GLT8D2: variants seen among roughly 807,000 people sequenced by gnomAD.
GLT8D2 encodes the protein glycosyltransferase 8 domain-containing protein 2.
Under a neutral mutation model 44.5 loss-of-function variants are expected in GLT8D2, and 45 were observed. That is an observed-to-expected ratio of 1.01 (90% CI 0.80 to 1.30). The LOEUF (loss-of-function observed/expected upper bound fraction) is 1.30. Among genes scored for constraint, GLT8D2 ranks in the 50% most tolerant of loss-of-function variants. The pLI is 0.00. For missense variants in GLT8D2, 400 were observed against 430.4 expected (o/e 0.93, Z 0.62); for synonymous variants, 156 against 157.2 (o/e 0.99, Z 0.06).
rs183428068 is a variant in GLT8D2, at chr12:104,026,106, C to T, written c.-163-4615G>A. Among the ~76,000 whole-genome samples, 258 of 151,866 alleles carry T rather than the reference C, an allele frequency of 1.7e-3. 1 individual carries two copies. Among genetic ancestry groups the T allele is most frequent in the African/African-American group, 6.0e-3 (250 of 41,400 alleles). ...CCAGCCTGGACAATATGGTGAAACC[C>T]CATCTCTACTAAAAATTCAAAAATT... On this transcript the variant is annotated intron_variant, in intron 1 of 10. Coordinates refer to ENST00000360814, the MANE Select transcript of GLT8D2 (RefSeq NM_001384711.1).
intron 1 of GLT8D2, among the ~76,000 whole-genome samples, chr12:104,062,200 A>C (rs780684808): frequency 6.6e-6 from 1 of 151,468 alleles, no homozygotes; most frequent in Non-Finnish European, 1.5e-5. Context: ...CAGCCTCCCA[A>C]GTAGCTGGGA....
At chr12:104,061,370 C>G (rs1053968949) in intron 1 of GLT8D2, among the ~76,000 whole-genome samples, 2 of 152,048 alleles carry the variant, frequency 1.3e-5, no homozygotes, top group Admixed American at 1.3e-4. Context: ...AGGGTTGGAA[C>G]GTTTGATTTT....
chr12:104,034,997 C>A (rs1424169312), intron 1 of GLT8D2, among the ~76,000 whole-genome samples: 2 of 152,182 alleles, frequency 1.3e-5, no homozygotes, highest in African/African-American at 2.4e-5. Context: ...TGTTCTGCAG[C>A]CTCCGCTGGT....
intron 1 of GLT8D2, among the ~76,000 whole-genome samples, chr12:104,037,142 T>A (rs1372083181): frequency 6.6e-6 from 1 of 152,094 alleles, no homozygotes; most frequent in African/African-American, 2.4e-5. Context: ...CATACCAGAA[T>A]CTCTGGGACA....
At chr12:104,031,669 G>T (rs1485555066) in intron 1 of GLT8D2, 6 of 738,000 alleles carry the variant, frequency 8.1e-6, no homozygotes, top group Non-Finnish European at 1.1e-5. Context: ...CTGCAGATGG[G>T]GACCAGTGGC....
chr12:104,024,897 C>A (rs1308307923), intron 1 of GLT8D2, among the ~76,000 whole-genome samples: 1 of 151,660 alleles, frequency 6.6e-6, no homozygotes, highest in East Asian at 1.9e-4. Flanking sequence ...ATGGTGAAAC[C>A]CTTTCTCTAC....
chr12:104,032,466 CAAAAAAAA>C lies in GLT8D2; in HGVS notation c.-163-10983_-163-10976del, dbSNP rs547392677. ...ATAATAAAGGAGTGATGTGCAATAG[CAAAAAAAA>C]AAAAAAAAAAAAAAAAATAGGCAAA... On this transcript the variant is annotated intron_variant, in intron 1 of 10. Transcript: ENST00000360814. Among the ~76,000 whole-genome samples the C allele has an allele frequency of 4.6e-3, 273 of 59,664 alleles. 1 individual carries two copies. The highest frequency in any genetic ancestry group is 0.013 in the Middle Eastern group (1 of 78). 39.1% of individuals were successfully genotyped at this position (59,664 alleles called of 152,430 possible). A position where few individuals can be genotyped will look rare whatever the true frequency, so the allele number is the denominator to read the frequency against.
intron 1 of GLT8D2, among the ~76,000 whole-genome samples, chr12:104,059,932 GTC>G: frequency 6.6e-6 from 1 of 152,120 alleles, no homozygotes; most frequent in East Asian, 1.9e-4. Flanking sequence ...ACATGGCCAA[GTC>G]TCTGTAAAGA....
rs1877382812 is a variant in GLT8D2, at chr12:104,019,736, A to C, written c.-28-60T>G. The stretch of plus-strand genomic sequence containing the variant: ...AGAATCAACTTAAAACTCATCAACA[A>C]GTGTTAAGGACTATGCCTTCCCTGA... On this transcript the variant is annotated intron_variant, in intron 2 of 10. Transcript: ENST00000360814. 4 of 1,112,402 alleles carry C rather than the reference A, an allele frequency of 3.6e-6. No individual in the cohort carries two copies. The Admixed American group carries it at 8.2e-5, about 23-fold the overall frequency. The allele number at this position is 1,112,402 out of a possible 1,614,324, so 68.9% of individuals were successfully genotyped here.
At chr12:104,056,358 T>C (rs1882181588) in intron 1 of GLT8D2, among the ~76,000 whole-genome samples, 1 of 152,250 alleles carries the variant, frequency 6.6e-6, no homozygotes, top group Non-Finnish European at 1.5e-5. Flanking sequence ...CCTTTGGCCC[T>C]TGGCCTGAGT....
chr12:104,019,660 C>A lies in GLT8D2; in HGVS notation c.-12G>T. ...CGTAACAGAGCCATGTGTATTCACG[C>A]GGATAAGAACTGTAACCTGTGGATT... is the stretch of plus-strand genomic sequence containing the variant. On this transcript the variant is annotated 5_prime_UTR_variant, in exon 3 of 11. Transcript: ENST00000360814. The A allele has an allele frequency of 1.2e-6, 2 of 1,606,858 alleles. No individual in the cohort carries two copies. Among genetic ancestry groups the A allele is most frequent in the East Asian group, 2.2e-5 (1 of 44,756 alleles).
chr12:103,999,219 T>C (rs1247249143), intron 6 of GLT8D2, 178 bp downstream of exon 6: 2 of 571,646 alleles, frequency 3.5e-6, no homozygotes, highest in Admixed American at 2.5e-5. Flanking sequence ...CTATAAACCA[T>C]CTTAAATCCT....
chr12:104,007,265 T>TCTCTCTCC (rs377119502), intron 4 of GLT8D2, among the ~76,000 whole-genome samples: 1,830 of 135,884 alleles, frequency 0.013, 25 homozygotes, highest in Non-Finnish European at 0.022. Context: ...TCTCTCTCTC[T>TCTCTCTCC]CCCCCCGCTC....
intron 10 of GLT8D2, among the ~76,000 whole-genome samples, chr12:103,992,278 G>A (rs1479954677): frequency 1.3e-5 from 2 of 152,174 alleles, no homozygotes; most frequent in South Asian, 2.1e-4. Context: ...CTTGTGTAGT[G>A]AGTAAAAGAC....
intron 3 of GLT8D2, among the ~76,000 whole-genome samples, chr12:104,016,117 T>G (rs191595417): frequency 6.6e-6 from 1 of 151,622 alleles, no homozygotes; most frequent in Non-Finnish European, 1.5e-5. Flanking sequence ...CACTACTATG[T>G]TGAATAACAG....
In GLT8D2 at chr12:104,033,254, G is replaced by A. The variant is rs561073703; in HGVS notation, c.-163-11763C>T. On this transcript the variant is annotated intron_variant, in intron 1 of 10. Transcript: ENST00000360814. ...TAAATGGATGAGTGGATAAAGAAAT[G>A]TGGTATATATATGAGTATGTGTGTG... 1.4e-4 allele frequency among the ~76,000 whole-genome samples: 21 copies of A among 152,246 alleles called. No homozygotes were observed. In the South Asian group the frequency reaches 4.1e-3, roughly 30 times the overall value.
At chr12:104,053,611 G>A (rs12368475), upstream of GLT8D2, among the ~76,000 whole-genome samples, 40,317 of 152,142 alleles carry the variant, frequency 0.26, 6,389 homozygotes, top group Non-Finnish European at 0.34. Context: ...TTAGCCGGGC[G>A]CGGTGGCTCA....
At chr12:104,006,568 G>C (rs1875040469) in intron 4 of GLT8D2, among the ~76,000 whole-genome samples, 1 of 152,038 alleles carries the variant, frequency 6.6e-6, no homozygotes, top group Non-Finnish European at 1.5e-5. Context: ...GCATGCCTCA[G>C]GACCTTTTAG....
chr12:104,051,511 TTGA>T (rs1029655802), upstream of GLT8D2, among the ~76,000 whole-genome samples: 5 of 152,216 alleles, frequency 3.3e-5, no homozygotes, highest in African/African-American at 4.8e-5. Context: ...GGGGTACATA[TTGA>T]TGTTTCAATA....
Sources: gnomAD v4.1 joint callset for allele counts (sites outside exome capture counted in the v4.1 genomes callset) on GRCh38, gnomAD v4.1.1 for gene constraint, MANE v1.5 for transcripts, NCBI Gene and HGNC (gene_info 2026-07-23, HGNC 2026-07-21) for gene names.